CSMD3: variants seen among roughly 807,000 people sequenced by gnomAD.
CSMD3 encodes the protein CUB and Sushi multiple domains 3.
CSMD3 carries 177 observed loss-of-function variants against 435.2 expected under a neutral mutation model. The ratio of observed to expected loss-of-function variants is 0.41; its 90% CI spans 0.36 to 0.46. The LOEUF is 0.46. Among genes scored for constraint, CSMD3 ranks in the 20% least tolerant of loss-of-function variants. The pLI, the probability that CSMD3 is intolerant of heterozygous loss-of-function variation, is 0.34. For missense variants in CSMD3, 4,265 were observed against 4,504.6 expected (o/e 0.95, Z 1.52); for synonymous variants, 1,656 against 1,520.5 (o/e 1.09, Z -2.07).
chr8:113,012,539 T>C (rs1452475663), intron 6 of CSMD3, among the ~76,000 whole-genome samples: 1 of 152,100 alleles, frequency 6.6e-6, no homozygotes, highest in East Asian at 1.9e-4. Flanking sequence ...GCTGTTCTGT[T>C]GATAGTGAGT....
intron 2 of CSMD3, among the ~76,000 whole-genome samples, chr8:113,300,264 C>T (rs1297894570): frequency 6.6e-6 from 1 of 151,642 alleles, no homozygotes; most frequent in African/African-American, 2.4e-5. Context: ...TATGGAAAAC[C>T]ACGTGGAGAT....
At chr8:113,056,265 T>A (rs1233957921) in intron 5 of CSMD3, among the ~76,000 whole-genome samples, 1 of 152,118 alleles carries the variant, frequency 6.6e-6, no homozygotes, top group Non-Finnish European at 1.5e-5. Context: ...GGAACACCCA[T>A]GTAGTATGAA....
At chr8:112,810,796 C>CA (rs2079204284) in intron 12 of CSMD3, among the ~76,000 whole-genome samples, 1 of 151,892 alleles carries the variant, frequency 6.6e-6, no homozygotes, top group Non-Finnish European at 1.5e-5. Flanking sequence ...TTTGGCCCTC[C>CA]AAAAAATATT....
chr8:113,266,711 T>A (rs942720153), intron 3 of CSMD3, among the ~76,000 whole-genome samples: 1 of 151,668 alleles, frequency 6.6e-6, no homozygotes, highest in African/African-American at 2.4e-5. Context: ...GTGAGAATGA[T>A]TTATTAGCAA....
At chr8:112,690,119 G>T in intron 13 of CSMD3, 69 bp from the exon 14 acceptor site, 1 of 1,085,000 alleles carries the variant, frequency 9.2e-7, no homozygotes, top group Non-Finnish European at 1.4e-6. Context: ...ATACAAGTTA[G>T]GTAGATATAT....
chr8:112,947,972 G>A (rs1437664747), intron 8 of CSMD3, 95 bp from the exon 9 acceptor site: 1 of 651,712 alleles, frequency 1.5e-6, no homozygotes, highest in Non-Finnish European at 2.8e-6. Context: ...ATGTATTATT[G>A]TATTTTGTCA....
intron 38 of CSMD3, among the ~76,000 whole-genome samples, chr8:112,373,419 TAC>T (rs565847617): frequency 3.6e-4 from 54 of 151,974 alleles, no homozygotes; most frequent in Non-Finnish European, 7.1e-4. Flanking sequence ...CCACCCTGTT[TAC>T]ACACACACAC....
At position 112,858,431 on chromosome 8, in the gene CSMD3, C is replaced by T. The variant is rs530409347; in HGVS notation, c.1755+714G>A. Reference sequence around the variant, plus strand: ...TTAAAATCTAGCCCAAAGAAGTTATCACATAATTTGAAGATTTGAGAGAAA... The same window carrying T: ...TTAAAATCTAGCCCAAAGAAGTTATTACATAATTTGAAGATTTGAGAGAAA... On this transcript the variant is annotated intron_variant, in intron 11 of 70. Transcript: ENST00000297405. Among the ~76,000 whole-genome samples the T allele has an allele frequency of 5.0e-4, 76 of 151,812 alleles. 1 individual carries two copies. In the Middle Eastern group the frequency reaches 0.014, roughly 27 times the overall value.
At chr8:113,344,564 A>G (rs2094140115) in intron 1 of CSMD3, among the ~76,000 whole-genome samples, 1 of 152,096 alleles carries the variant, frequency 6.6e-6, no homozygotes, top group African/African-American at 2.4e-5. Context: ...ATAACTCCCT[A>G]AACTTTATTT....
chr8:113,265,309 A>C (rs899389532), intron 3 of CSMD3, among the ~76,000 whole-genome samples: 5 of 151,500 alleles, frequency 3.3e-5, no homozygotes, highest in Non-Finnish European at 7.4e-5. Context: ...ACAAAAAAAA[A>C]TAGCCTGGGT....
chr8:112,952,373 T>C (rs1197808732), intron 8 of CSMD3, among the ~76,000 whole-genome samples: 2 of 151,716 alleles, frequency 1.3e-5, no homozygotes, highest in Admixed American at 1.3e-4. Flanking sequence ...GATCTTTTTT[T>C]CAAAGAACAT....
At chr8:112,319,784 C>A in intron 46 of CSMD3, 117 bp downstream of exon 46, 1 of 780,774 alleles carries the variant, frequency 1.3e-6, no homozygotes, top group South Asian at 1.4e-5. Flanking sequence ...TAATCTCTAT[C>A]AACACAGGGA....
chr8:112,501,811 A>T (rs1179330968), intron 30 of CSMD3, among the ~76,000 whole-genome samples: 2 of 152,174 alleles, frequency 1.3e-5, no homozygotes, highest in Admixed American at 1.3e-4. Context: ...TCAGCAGAAA[A>T]ATTTATATAT....
At chr8:113,106,532 G>T (rs182134537) in intron 4 of CSMD3, among the ~76,000 whole-genome samples, 131 of 152,226 alleles carry the variant, frequency 8.6e-4, no homozygotes, top group Admixed American at 2.7e-3. Context: ...GTGGAGCAGG[G>T]GCAAGCATGG....
At chr8:112,805,220 C>G (rs1348305125) in intron 12 of CSMD3, among the ~76,000 whole-genome samples, 1 of 152,066 alleles carries the variant, frequency 6.6e-6, no homozygotes. Flanking sequence ...CTGTGGAACT[C>G]CCTGGAATAA....
chr8:112,402,371 T>C (rs1222594508), intron 35 of CSMD3, among the ~76,000 whole-genome samples: 1 of 152,210 alleles, frequency 6.6e-6, no homozygotes, highest in Non-Finnish European at 1.5e-5. Context: ...ATTAACATGA[T>C]AGATATACAA....
chr8:112,692,261 T>TA (rs924584725), intron 13 of CSMD3, among the ~76,000 whole-genome samples: 2 of 152,124 alleles, frequency 1.3e-5, no homozygotes, highest in African/African-American at 4.8e-5. Flanking sequence ...TCTTATTTAT[T>TA]AAAAAATAAA....
At chr8:112,834,721 T>C (rs2079971892) in intron 11 of CSMD3, among the ~76,000 whole-genome samples, 1 of 151,846 alleles carries the variant, frequency 6.6e-6, no homozygotes, top group Non-Finnish European at 1.5e-5. Flanking sequence ...CAACAAATAG[T>C]CATAAGTATA....
At chr8:112,551,126 G>A (rs952830013) in intron 26 of CSMD3, among the ~76,000 whole-genome samples, 2 of 151,968 alleles carry the variant, frequency 1.3e-5, no homozygotes, top group South Asian at 2.1e-4. Context: ...ATTCTTTCCC[G>A]TGTTCATGGA....
Sources: gnomAD v4.1 joint callset for allele counts (sites outside exome capture counted in the v4.1 genomes callset) on GRCh38, gnomAD v4.1.1 for gene constraint, MANE v1.5 for transcripts, NCBI Gene and HGNC (gene_info 2026-07-23, HGNC 2026-07-21) for gene names.